Variants in OBSL1 observed in about 807,000 individuals in gnomAD.
OBSL1 encodes obscurin-like protein 1.
Under a neutral mutation model 172.0 loss-of-function variants are expected in OBSL1, and 160 were observed. The ratio of observed to expected loss-of-function variants is 0.93; its 90% CI spans 0.82 to 1.06. The LOEUF (loss-of-function observed/expected upper bound fraction) is 1.06. Among genes scored for constraint, OBSL1 ranks in the 50% least tolerant of loss-of-function variants. The pLI is 0.00. For synonymous variants in OBSL1, 1,200 were observed against 1,196.3 expected (o/e 1.00, Z -0.06); for missense variants, 2,681 against 2,715.4 (o/e 0.99, Z 0.28).
rs1025612758 is a variant in OBSL1, at chr2:219,556,627, G to A, written c.4163C>T (p.Ala1388Val). 6 of 1,613,860 alleles carry A rather than the reference G, an allele frequency of 3.7e-6. No individual in the cohort carries two copies. In the African/African-American group the frequency reaches 5.3e-5, roughly 14 times the overall value. The change falls in exon 13 of 21, where the codon GCC becomes GTC. Residue 1388 changes from alanine (A) to valine (V), a missense_variant. Physicochemically the swap from Ala to Val is moderately conservative, Grantham distance 64 (BLOSUM62 0). Transcript: ENST00000404537. ...CCCATTGCGCAGCCAGGTGACATCGGCATCTGGTGGGGAGACTTCACACCG... is the reference window on the plus strand; with the variant it reads ...CCCATTGCGCAGCCAGGTGACATCGACATCTGGTGGGGAGACTTCACACCG... The part of the protein sequence containing the change: ...TFRCEVSPPD[A>V]DVTWLRNGAV...
At chr2:219,555,630 G>A (rs1559136366) in intron 14 of OBSL1, 1 of 1,036,810 alleles carries the variant, frequency 9.6e-7, no homozygotes, top group African/African-American at 1.7e-5. Flanking sequence ...CTTGCATGAG[G>A]TCACATAGGA....
In OBSL1 at chr2:219,554,537, C is replaced by G; in HGVS notation, c.4813G>C (p.Asp1605His). ...RLVLNGLGLA[D>H]SGCVSFTADS... ...GCTGTGAAGGAGACACAGCCTGAGT[C>G]GGCCAGGCCCAGGCCATTGAGTACC... The change falls in exon 15 of 21, where the codon GAC becomes CAC. Residue 1605 changes from aspartate (D) to histidine (H), a missense_variant. Around this residue, in one of 5 missense-constraint regions of OBSL1, gnomAD observed 1,765 missense variants for 1,748.3 expected, o/e 1.01. Transcript: ENST00000404537. The G allele has an allele frequency of 1.9e-6, 3 of 1,613,464 alleles. No homozygotes were observed. The highest frequency in any genetic ancestry group is 2.5e-6 in the Non-Finnish European group (3 of 1,179,868).
In OBSL1 at chr2:219,552,184, G is replaced by A. The variant is rs766231551; in HGVS notation, c.5341C>T (p.Arg1781Cys). 1.2e-6 allele frequency: 2 copies of A among 1,609,854 alleles called. No homozygotes were observed. The highest frequency in any genetic ancestry group is 1.3e-5 in the African/African-American group (1 of 74,896). The change falls in exon 19 of 21, where the codon CGC becomes TGC. Residue 1781 changes from arginine (R) to cysteine (C), a missense_variant. Physicochemically the swap from Arg to Cys is radical, Grantham distance 180 (BLOSUM62 -3). This residue lies in a region of OBSL1 where 1,765 missense variants were observed against 1,748.3 expected (regional missense o/e 1.01). Transcript: ENST00000404537. ...CGGACTTCACCGGCGTCCTCGGCGC[G>A]CAGCTCGCTAAGCACCAGAATGTGT... ...KKHILVLSEL[R>C]AEDAGEVRFQ...
At position 219,554,706 on chromosome 2, in the gene OBSL1, G is replaced by A. The variant is rs777873721; in HGVS notation, c.4644C>T (p.Asp1548=). The A allele has an allele frequency of 1.4e-5, 22 of 1,573,232 alleles. No homozygotes were observed. The highest frequency in any genetic ancestry group is 1.7e-5 in the Non-Finnish European group (20 of 1,159,048). ...CACTGCCCCCCTCACTGATGGTCAC[G>A]TCCTCCAGAGGCCGCAGCACCCTCA... is the stretch of plus-strand genomic sequence containing the variant. ...RQLRVLRPLE[D]VTISEGGSAT... The change falls in exon 15 of 21, where the codon GAC becomes GAT. Residue 1548 remains aspartate (D), a synonymous_variant. Coordinates refer to ENST00000404537, the MANE Select transcript of OBSL1 (RefSeq NM_015311.3).
intron 11 of OBSL1, 95 bp from the exon 12 acceptor site, chr2:219,557,713 G>T: frequency 6.5e-7 from 1 of 1,527,524 alleles, no homozygotes; most frequent in Non-Finnish European, 8.7e-7. Flanking sequence ...TGAGAGAAGT[G>T]GGGCCAGGGA....
chr2:219,563,786 G>GGGCATGGCAGGTGA (rs565279700), intron 6 of OBSL1, among the ~76,000 whole-genome samples, 159 bp from the exon 7 acceptor site: 1 of 152,174 alleles, frequency 6.6e-6, no homozygotes, highest in Non-Finnish European at 1.5e-5. Context: ...GGAATGCTGA[G>GGGCATGGCAGGTGA]GGCATGGCAG....
At chr2:219,549,865 C>T (rs755041845), downstream of OBSL1, 19 of 1,607,972 alleles carry the variant, frequency 1.2e-5, no homozygotes, top group Non-Finnish European at 1.5e-5. Context: ...CCATATCTGT[C>T]TGTCTAGACT....
Position 219,558,427 on chromosome 2 carries a change from G to C in OBSL1, c.3259C>G (p.Arg1087Gly). 6.3e-7 allele frequency: 1 copy of C among 1,592,818 alleles called. No individual in the cohort carries two copies. Among genetic ancestry groups the C allele is most frequent in the Non-Finnish European group, 8.5e-7 (1 of 1,171,506 alleles). The part of the protein sequence containing the change: ...PPERIVHPAA[R>G]SLDLHFGAPG... ...GCCCCAAAATGCAGATCCAGGGAGC[G>C]GGCTGCCGGGTGCACAATCCTCTCT... The change falls in exon 10 of 21, where the codon CGC becomes GGC. Residue 1087 changes from arginine (R) to glycine (G), a missense_variant. Arg to Gly is a moderately radical substitution (Grantham distance 125). Transcript: ENST00000404537.
In OBSL1 at chr2:219,556,734, C is replaced by T. The variant is rs1983211; in HGVS notation, c.4067-11G>A. The T allele has an allele frequency of 1.6e-3, 2,514 of 1,588,952 alleles. 24 individuals are homozygous for T. The African/African-American group carries it at 0.029, about 19-fold the overall frequency. ...TCACCAGCAGTGGCTCTAAGGGGCA[C>T]GGTAAGGCAGTGAGCTGGGCTGAGT... is the stretch of plus-strand genomic sequence containing the variant. On this transcript the variant is annotated splice_polypyrimidine_tract_variant and intron_variant, in intron 12 of 20. Transcript: ENST00000404537.
Position 219,551,752 on chromosome 2 carries a change from A to C in OBSL1, c.5460T>G (p.Val1820=). Residue 1820 remains valine, a synonymous_variant, in exon 20 of 21, where the codon GTT becomes GTG. Coordinates refer to ENST00000404537, the MANE Select transcript of OBSL1 (RefSeq NM_015311.3). ...CCAGCACCGCCCGGCGGCCCACCAG[A>C]ACGGTCTTCTCGCGAGGGGGGTGGC... ...MCRHPPREKT[V]LVGRRAVLEV... is the part of the protein sequence containing the mutation. 6.3e-7 allele frequency: 1 copy of C among 1,599,256 alleles called. No homozygotes were observed. Among genetic ancestry groups the C allele is most frequent in the Admixed American group, 1.7e-5 (1 of 59,756 alleles).
intron 15 of OBSL1, 102 bp downstream of exon 15, chr2:219,554,372 G>T: frequency 1.5e-6 from 2 of 1,343,400 alleles, no homozygotes; most frequent in Non-Finnish European, 1.0e-6. Context: ...ACTGAGACAG[G>T]CATGGTCAGT....
At position 219,571,369 on chromosome 2, in the gene OBSL1, T is replaced by TC; in HGVS notation, c.-138dup. 2.1e-6 allele frequency: 1 copy of TC among 467,402 alleles called. No homozygotes were observed. Among genetic ancestry groups the TC allele is most frequent in the Non-Finnish European group, 3.3e-6 (1 of 301,462 alleles). The allele number at this position is 467,402 out of a possible 1,614,324, so 29.0% of individuals were successfully genotyped here. ...GGGACCCGCGGAGCTCTCCCGGGCCTCCCGCTCCCGGCTCGCCTCCTTACC... is the reference window on the plus strand; with the variant it reads ...GGGACCCGCGGAGCTCTCCCGGGCCTCCCCGCTCCCGGCTCGCCTCCTTACC... On this transcript the variant is annotated 5_prime_UTR_variant, in exon 1 of 21. Transcript: ENST00000404537.
chr2:219,570,217 G>A lies in OBSL1; in HGVS notation c.1012+4C>T, dbSNP rs1367785539. On this transcript the variant is annotated splice_donor_region_variant and intron_variant, in intron 1 of 20. Coordinates refer to ENST00000404537, the MANE Select transcript of OBSL1 (RefSeq NM_015311.3). ...CCCTCCCTAGGTCCCGGGCTCCGCC[G>A]TACCTTTCACGTGCAGCTGCACGGC... is the stretch of plus-strand genomic sequence containing the variant. 1.9e-6 allele frequency: 3 copies of A among 1,546,766 alleles called. No homozygotes were observed. The highest frequency in any genetic ancestry group is 1.4e-5 in the African/African-American group (1 of 73,330).
Position 219,551,043 on chromosome 2 carries a change from G to A in OBSL1, c.5684-201C>T, listed in dbSNP as rs1239195232. ...TGGGGCACAGCGCGGCACCTGAAGG[G>A]AATGCTGGGATTTGGGATAGAAGGT... On this transcript the variant is annotated intron_variant, in intron 20 of 20. Coordinates refer to ENST00000404537, the MANE Select transcript of OBSL1 (RefSeq NM_015311.3). The A allele has an allele frequency of 4.9e-6, 7 of 1,436,494 alleles. No individual in the cohort carries two copies. In the East Asian group the frequency reaches 1.3e-4, roughly 26 times the overall value. The allele number at this position is 1,436,494 out of a possible 1,614,324, so 89.0% of individuals were successfully genotyped here.
At chr2:219,552,806 A>G (rs764364189) in intron 17 of OBSL1, 62 bp downstream of exon 17, 4 of 1,532,460 alleles carry the variant, frequency 2.6e-6, no homozygotes, top group Non-Finnish European at 3.5e-6. Context: ...GGTCCGGGGA[A>G]GACAGCTCCG....
intron 12 of OBSL1, 28 bp from the exon 13 acceptor site, chr2:219,556,751 G>T (rs1696039779): frequency 1.3e-6 from 2 of 1,562,408 alleles, no homozygotes; most frequent in East Asian, 2.3e-5. Flanking sequence ...GCAGTGAGCT[G>T]GGCTGAGTCT....
Position 219,570,573 on chromosome 2 carries a change from C to G in OBSL1, c.660G>C (p.Ala220=), listed in dbSNP as rs746864661. 215 of 1,549,492 alleles carry G rather than the reference C, an allele frequency of 1.4e-4. 1 individual carries two copies. The highest frequency in any genetic ancestry group is 5.2e-4 in the Middle Eastern group (3 of 5,722). ...GCTGGTGCACCTGGAGCAGCGCCCC[C>G]GCCTGCGCGTGGCCGTGCGCGTTGC... The part of the protein sequence containing the change: ...HARNAHGHAQ[A]GALLQVHQPP... Residue 220 remains alanine (A), a synonymous_variant, in exon 1 of 21, where the codon GCG becomes GCC. Coordinates refer to ENST00000404537, the MANE Select transcript of OBSL1 (RefSeq NM_015311.3).
chr2:219,559,544 C>A (rs764123564), intron 8 of OBSL1, 47 bp from the exon 9 acceptor site: 6 of 1,574,254 alleles, frequency 3.8e-6, no homozygotes, highest in Non-Finnish European at 4.3e-6. Flanking sequence ...CACCGTCAGC[C>A]TCTCTGGAGC....
Position 219,552,215 on chromosome 2 carries a change from C to T in OBSL1, c.5310G>A (p.Gly1770=). 6.3e-7 allele frequency: 1 copy of T among 1,599,594 alleles called. No individual in the cohort carries two copies. The highest frequency in any genetic ancestry group is 8.5e-7 in the Non-Finnish European group (1 of 1,173,844). The change falls in exon 19 of 21, where the codon GGG becomes GGA. Residue 1770 remains glycine, a splice_region_variant and synonymous_variant. Coordinates refer to ENST00000404537, the MANE Select transcript of OBSL1 (RefSeq NM_015311.3). ...PGARVRIRQE[G]KKHILVLSEL... ...CGCTAAGCACCAGAATGTGTTTCTT[C>T]CCTGGGGGTGAGGGGGTCGCTAGCG...
Sources: allele counts gnomAD v4.1 joint callset (sites outside exome capture counted in the v4.1 genomes callset), GRCh38; gene constraint gnomAD v4.1.1; regional missense constraint gnomAD v4.1.1; transcripts MANE v1.5; gene names NCBI Gene and HGNC (gene_info 2026-07-23, HGNC 2026-07-21).